STYXL1: variants seen among roughly 807,000 people sequenced by gnomAD.
STYXL1 encodes the protein serine/threonine/tyrosine-interacting-like protein 1.
STYXL1 carries 32 observed loss-of-function variants against 36.4 expected under a neutral mutation model. The ratio of observed to expected loss-of-function variants is 0.88; its 90% CI spans 0.66 to 1.18. The LOEUF (loss-of-function observed/expected upper bound fraction) is 1.18. Among genes scored for constraint, STYXL1 ranks in the 50% most tolerant of loss-of-function variants. The pLI, the probability that STYXL1 is intolerant of heterozygous loss-of-function variation, is 0.00. For missense variants in STYXL1, 354 were observed against 394.1 expected, an observed-to-expected ratio of 0.90 and a Z score of 0.86; for synonymous variants, 133 against 144.1, an observed-to-expected ratio of 0.92 and a Z score of 0.55.
At chr7:76,010,416 G>A (rs782597943) in intron 5 of STYXL1, among the ~76,000 whole-genome samples, 4 of 151,620 alleles carry the variant, frequency 2.6e-5, no homozygotes, top group Admixed American at 6.6e-5. Context: ...CTACGATTCC[G>A]GTGAAGGAAT....
chr7:76,004,550 C>T (rs1417563027), intron 6 of STYXL1, among the ~76,000 whole-genome samples: 1 of 151,694 alleles, frequency 6.6e-6, no homozygotes, highest in East Asian at 1.9e-4. Context: ...CTAAAAACTA[C>T]AAAAATTAGC....
At chr7:76,013,199 G>A (rs2903769) in intron 5 of STYXL1, among the ~76,000 whole-genome samples, 16,806 of 151,766 alleles carry the variant, frequency 0.11, 1,800 homozygotes, top group African/African-American at 0.28. Flanking sequence ...GCTGGTGGGC[G>A]CCTGTAGTCC....
At chr7:76,029,916 G>GCTGCTCACCTC (rs1218961401) in intron 2 of STYXL1, among the ~76,000 whole-genome samples, 1 of 152,176 alleles carries the variant, frequency 6.6e-6, no homozygotes, top group Non-Finnish European at 1.5e-5. Flanking sequence ...CTGCTCACCT[G>GCTGCTCACCTC]CTGCTCACCT....
chr7:76,022,707 G>GT (rs1282872743), intron 3 of STYXL1, among the ~76,000 whole-genome samples: 3 of 151,948 alleles, frequency 2.0e-5, no homozygotes, highest in Non-Finnish European at 4.4e-5. Flanking sequence ...AAAAAGGACA[G>GT]TAAGTAGACA....
intron 5 of STYXL1, among the ~76,000 whole-genome samples, chr7:76,007,200 G>A (rs1554570702): frequency 6.6e-6 from 1 of 152,148 alleles, no homozygotes; most frequent in African/African-American, 2.4e-5. Context: ...GCCGAGGCAG[G>A]CGCATCACCT....
chr7:76,040,592 G>A (rs532716806), intron 1 of STYXL1, among the ~76,000 whole-genome samples: 5 of 152,202 alleles, frequency 3.3e-5, no homozygotes, highest in Admixed American at 1.3e-4. Flanking sequence ...CAATCCCAGC[G>A]CTTTGGGAGA....
chr7:76,042,551 G>A (rs1272071490), intron 1 of STYXL1, among the ~76,000 whole-genome samples: 6 of 151,234 alleles, frequency 4.0e-5, no homozygotes, highest in Admixed American at 1.3e-4. Flanking sequence ...CTACAGGCAC[G>A]CACTGCCACC....
At chr7:76,001,082 A>G (rs569663715) in intron 7 of STYXL1, 80 bp from the exon 8 acceptor site, 1 of 1,079,452 alleles carries the variant, frequency 9.3e-7, no homozygotes, top group East Asian at 2.4e-5. Flanking sequence ...ACTGGCCTCC[A>G]TGGGCCCGTG....
chr7:76,046,274 CTGTGTGTGTGTG>C lies in STYXL1; in HGVS notation c.-5+1376_-5+1387del, dbSNP rs782245806. Among the ~76,000 whole-genome samples, 652 of 102,848 alleles carry C rather than the reference CTGTGTGTGTGTG, an allele frequency of 6.3e-3. 9 individuals carry two copies. Among genetic ancestry groups the C allele is most frequent in the African/African-American group, 0.019 (440 of 22,694 alleles). The allele number at this position is 102,848 out of a possible 152,430, so 67.5% of individuals were successfully genotyped here. A position where few individuals can be genotyped will look rare whatever the true frequency, so the allele number is the denominator to read the frequency against. ...CTTCCAGCATGTCTCAGCTTATCTG[CTGTGTGTGTGTG>C]TGTGTGTGTGTGTGTGTGTGTGTGT... On this transcript the variant is annotated intron_variant, in intron 1 of 8. Transcript: ENST00000359697.
At chr7:76,009,379 T>G (rs1792256231) in intron 5 of STYXL1, among the ~76,000 whole-genome samples, 1 of 149,590 alleles carries the variant, frequency 6.7e-6, no homozygotes, top group African/African-American at 2.5e-5. Context: ...TATGCCCTCA[T>G]GTCTGATCGG....
rs367775260 is a variant in STYXL1, at chr7:76,030,433, G to A, written c.91C>T (p.Leu31Phe). The A allele has an allele frequency of 1.2e-6, 2 of 1,611,850 alleles. No individual in the cohort carries two copies. The highest frequency in any genetic ancestry group is 1.3e-5 in the African/African-American group (1 of 74,988). Residue 31 changes from leucine (L) to phenylalanine (F), a missense_variant, in exon 2 of 9, where the codon CTC becomes TTC. Physicochemically the swap from Leu to Phe is conservative, Grantham distance 22. Transcript: ENST00000359697. ...TCCAAGTACTTACCCAATAAACAGAGATAGTTGGGGTCTGTTAATCTGGAG... is the reference window on the plus strand; with the variant it reads ...TCCAAGTACTTACCCAATAAACAGAAATAGTTGGGGTCTGTTAATCTGGAG... ...KLSRLTDPNY[L>F]CLLDVRSKWE...
At chr7:76,018,395 ATTTT>A (rs1268797595) in intron 4 of STYXL1, among the ~76,000 whole-genome samples, 2 of 144,692 alleles carry the variant, frequency 1.4e-5, no homozygotes, top group African/African-American at 5.1e-5. Context: ...CAGTACTTTT[ATTTT>A]TTTTTTTTTG....
intron 2 of STYXL1, 105 bp from the exon 3 acceptor site, chr7:76,028,808 G>T: frequency 9.7e-7 from 1 of 1,026,366 alleles, no homozygotes; most frequent in South Asian, 1.3e-5. Flanking sequence ...GGCAGTTAAG[G>T]GATAGTCATT....
rs782607080 is a variant in STYXL1, at chr7:76,000,954, C to T, written c.746G>A (p.Gly249Asp). The T allele has an allele frequency of 6.2e-7, 1 of 1,614,146 alleles. No individual in the cohort carries two copies. The highest frequency in any genetic ancestry group is 1.1e-5 in the South Asian group (1 of 91,084). The change falls in exon 8 of 9, where the codon GGT (glycine) becomes GAT (aspartate). Residue 249 changes from glycine (G) to aspartate (D), a missense_variant. Transcript: ENST00000359697. ...GATGGCGGCACAACTGCGGCTGATA[C>T]CTTGGGTGGAAAAGATCAGAATGAC... ...GSVILIFSTQ[G>D]ISRSCAAIIA...
At chr7:76,001,120 A>C in intron 7 of STYXL1, 118 bp from the exon 8 acceptor site, 1 of 738,974 alleles carries the variant, frequency 1.4e-6, no homozygotes. Context: ...AAACCAGCCC[A>C]CGTGACCTCG....
chr7:76,031,126 A>C (rs1585307308), intron 1 of STYXL1, among the ~76,000 whole-genome samples: 1 of 150,814 alleles, frequency 6.6e-6, no homozygotes, highest in African/African-American at 2.4e-5. Context: ...ATGCCATTGC[A>C]CTCCAGCCTG....
intron 5 of STYXL1, among the ~76,000 whole-genome samples, chr7:76,005,891 G>GAGA (rs1267446601): frequency 1.8e-4 from 23 of 126,096 alleles, no homozygotes; most frequent in African/African-American, 6.6e-4. Context: ...GAGAGGAGGA[G>GAGA]GAGGAGGAGA....
chr7:76,013,919 C>G, intron 4 of STYXL1, 32 bp from the exon 5 acceptor site: 1 of 1,584,464 alleles, frequency 6.3e-7, no homozygotes, highest in Non-Finnish European at 8.6e-7. Flanking sequence ...ATGAATGTCT[C>G]CTGTGTATCT....
At chr7:76,009,663 C>T (rs1554571669) in intron 5 of STYXL1, among the ~76,000 whole-genome samples, 3 of 152,210 alleles carry the variant, frequency 2.0e-5, no homozygotes, top group Admixed American at 6.5e-5. Context: ...CCCGCCTTGG[C>T]CTCCCAAAAT....
Sources: gnomAD v4.1 joint callset for allele counts (sites outside exome capture counted in the v4.1 genomes callset) on GRCh38, gnomAD v4.1.1 for gene constraint, MANE v1.5 for transcripts, NCBI Gene and HGNC (gene_info 2026-07-23, HGNC 2026-07-21) for gene names.